Variants in OLFML2B observed in about 807,000 individuals in gnomAD.
The protein encoded by OLFML2B is olfactomedin like 2B.
A neutral mutation model predicts 74.9 loss-of-function variants in OLFML2B; 57 were observed. The observed-to-expected ratio is 0.76, with a 90% CI of 0.61 to 0.95. The LOEUF is 0.95. Ranked by LOEUF, OLFML2B falls within the 40% of genes least tolerant of loss-of-function variation. The probability of loss-of-function intolerance (pLI) is 0.00; values close to 1 mark genes in which losing one functional copy is unlikely to be tolerated. For synonymous variants in OLFML2B, 388 were observed against 405.8 expected (o/e 0.96, Z 0.53); for missense variants, 986 against 970.6 (o/e 1.02, Z -0.21).
At chr1:161,998,656 A>G (rs575667504) in intron 5 of OLFML2B, among the ~76,000 whole-genome samples, 20 of 152,272 alleles carry the variant, frequency 1.3e-4, no homozygotes, top group African/African-American at 4.8e-4. Context: ...GAGTCATCCA[A>G]TCCATCCTTC....
chr1:162,017,337 G>A lies in OLFML2B; in HGVS notation c.546+63C>T, dbSNP rs959948233. 4.0e-6 allele frequency: 5 copies of A among 1,238,606 alleles called. No homozygotes were observed. In the African/African-American group the frequency reaches 6.0e-5, roughly 15 times the overall value. The allele number at this position is 1,238,606 out of a possible 1,614,324, so 76.7% of individuals were successfully genotyped here. On this transcript the variant is annotated intron_variant, in intron 3 of 7. Transcript: ENST00000294794. ...ATGTGCTAGCTGAAAATTTACTGTGGGACGTTTGATATGCTTTTGGGCTCA... is the reference window on the plus strand; with the variant it reads ...ATGTGCTAGCTGAAAATTTACTGTGAGACGTTTGATATGCTTTTGGGCTCA...
chr1:162,005,185 A>C (rs1690185309), intron 4 of OLFML2B, among the ~76,000 whole-genome samples: 1 of 152,282 alleles, frequency 6.6e-6, no homozygotes, highest in Non-Finnish European at 1.5e-5. Flanking sequence ...ATTAGTACAT[A>C]AACATAACTT....
rs1690114771 is a variant in OLFML2B at position 162,002,707 on chromosome 1, G to GAA, written c.724-2371_724-2370dup. 2.0e-5 allele frequency among the ~76,000 whole-genome samples: 3 copies of GAA among 152,296 alleles called. No homozygotes were observed. The South Asian group carries it at 6.2e-4, about 32-fold the overall frequency. On this transcript the variant is annotated intron_variant, in intron 4 of 7. Transcript: ENST00000294794. ...CAGCACACAGTGGTGACCGACTCCT[G>GAA]AAAGGTAGGGGACATCCTTCTGCCA...
At chr1:162,011,269 G>T (rs1232945760) in intron 3 of OLFML2B, among the ~76,000 whole-genome samples, 1 of 152,210 alleles carries the variant, frequency 6.6e-6, no homozygotes, top group Non-Finnish European at 1.5e-5. Flanking sequence ...GATGCGCACA[G>T]GGCTAAGATA....
At chr1:162,020,655 T>C (rs1690678356) in intron 1 of OLFML2B, among the ~76,000 whole-genome samples, 1 of 152,094 alleles carries the variant, frequency 6.6e-6, no homozygotes, top group Non-Finnish European at 1.5e-5. Flanking sequence ...GCCTTCCAAG[T>C]AGCTGGGATT....
intron 4 of OLFML2B, among the ~76,000 whole-genome samples, chr1:162,004,426 A>G (rs909522408): frequency 1.3e-5 from 2 of 152,230 alleles, no homozygotes; most frequent in Non-Finnish European, 2.9e-5. Flanking sequence ...CAAAGTAGTC[A>G]TCATGGGCAA....
intron 4 of OLFML2B, 89 bp downstream of exon 4, chr1:162,006,208 G>A (rs1690224746): frequency 3.9e-6 from 5 of 1,284,334 alleles, no homozygotes; most frequent in Non-Finnish European, 5.3e-6. Context: ...TGAAAGGACT[G>A]AAGCCTGAAA....
At chr1:162,000,801 T>C (rs553107392) in intron 4 of OLFML2B, among the ~76,000 whole-genome samples, 37 of 152,270 alleles carry the variant, frequency 2.4e-4, no homozygotes, top group African/African-American at 8.7e-4. Context: ...GGCTGGGACA[T>C]GAAGCCCAAG....
chr1:162,022,244 C>CTTTTTTTTTTTTTTTTTTTT (rs56395023), intron 1 of OLFML2B, among the ~76,000 whole-genome samples: 7 of 70,774 alleles, frequency 9.9e-5, no homozygotes, highest in African/African-American at 3.5e-4. Flanking sequence ...TGTATCTCTT[C>CTTTTTTTTTTTTTTTTTTTT]TTTTTTTTTT....
intron 6 of OLFML2B, among the ~76,000 whole-genome samples, chr1:161,986,135 C>A (rs1402812672): frequency 1.3e-5 from 2 of 152,196 alleles, no homozygotes; most frequent in Non-Finnish European, 2.9e-5. Flanking sequence ...AGCTTCCTTA[C>A]CCCCTGCTGG....
Position 161,984,229 on chromosome 1 carries a change from C to T in OLFML2B, c.1699G>A (p.Gly567Ser). 3 of 1,543,956 alleles carry T rather than the reference C, an allele frequency of 1.9e-6. No homozygotes were observed. Among genetic ancestry groups the T allele is most frequent in the South Asian group, 2.6e-5 (2 of 78,258 alleles). ...YKLPYSWIGTGHVVYNGAFYY... is the reference protein window; with the variant it reads ...YKLPYSWIGTSHVVYNGAFYY... ...AAGGCGCCATTGTATACCACGTGGC[C>T]TGTGCCGATCCAGCTGTACGGGAGC... is the stretch of plus-strand genomic sequence containing the variant. Residue 567 changes from glycine to serine, a missense_variant, in exon 8 of 8, where the codon GGC becomes AGC. Physicochemically the swap from Gly to Ser is moderately conservative, Grantham distance 56. Transcript: ENST00000294794.
intron 3 of OLFML2B, among the ~76,000 whole-genome samples, chr1:162,007,608 T>A (rs986387247): frequency 6.6e-6 from 1 of 152,218 alleles, no homozygotes; most frequent in Non-Finnish European, 1.5e-5. Flanking sequence ...CATCTTTCTT[T>A]AACAAACAGA....
At position 161,983,648 on chromosome 1, in the gene OLFML2B, G is replaced by A. The variant is rs373345768; in HGVS notation, c.*27C>T. The A allele has an allele frequency of 3.8e-5, 61 of 1,585,028 alleles. No individual in the cohort carries two copies. The highest frequency in any genetic ancestry group is 5.0e-5 in the Non-Finnish European group (58 of 1,162,788). ...CACACAAGGTGCTAGTGACCCCTCT[G>A]TGCTTCTGCTTGTGGGGACAAGGGT... On this transcript the variant is annotated 3_prime_UTR_variant, in exon 8 of 8. Transcript: ENST00000294794.
In OLFML2B at chr1:162,020,061, T is replaced by C. The variant is rs774959030; in HGVS notation, c.296A>G (p.Lys99Arg). 19 of 1,614,160 alleles carry C rather than the reference T, an allele frequency of 1.2e-5. No homozygotes were observed. Among genetic ancestry groups the C allele is most frequent in the Admixed American group, 8.3e-5 (5 of 60,028 alleles). The change falls in exon 2 of 8, where the codon AAG becomes AGG. Residue 99 changes from lysine (K) to arginine (R), a missense_variant. Physicochemically the swap from Lys to Arg is conservative, Grantham distance 26. Coordinates refer to ENST00000294794, the MANE Select transcript of OLFML2B (RefSeq NM_015441.3). Reference sequence around the variant, plus strand: ...GGTTTCCACGGTATAGAAGTCTTCCTTCCTGGAGGCCCCCGCATTGATCCT... The same window carrying C: ...GGTTTCCACGGTATAGAAGTCTTCCCTCCTGGAGGCCCCCGCATTGATCCT... ...CQRINAGASR[K>R]EDFYTVETIT... is the part of the protein sequence containing the mutation.
intron 3 of OLFML2B, among the ~76,000 whole-genome samples, chr1:162,009,881 G>A (rs935497019): frequency 4.6e-5 from 7 of 152,216 alleles, no homozygotes; most frequent in African/African-American, 1.7e-4. Context: ...AGGAGATGCA[G>A]GGGATGCCAC....
chr1:161,993,255 C>T (rs1160550292), intron 6 of OLFML2B, among the ~76,000 whole-genome samples: 2 of 152,216 alleles, frequency 1.3e-5, no homozygotes, highest in East Asian at 3.9e-4. Flanking sequence ...GTGCTACCTT[C>T]CTTCTTTGCC....
At chr1:161,995,550 G>C (rs1050341124) in intron 6 of OLFML2B, among the ~76,000 whole-genome samples, 11 of 152,164 alleles carry the variant, frequency 7.2e-5, no homozygotes, top group Admixed American at 6.5e-5. Context: ...GAAAACACCA[G>C]AAAAGCCTGC....
At position 161,983,940 on chromosome 1, in the gene OLFML2B, G is replaced by A. The variant is rs777924135; in HGVS notation, c.1988C>T (p.Thr663Ile). ...ATTCCTCCGGAGCCCCGTGCGCCAT[G>A]TGGTCTCCTTCTGTGTGCTCAGGTC... ...AADLSTQKET[T>I]WRTGLRRNFY... is the part of the protein sequence containing the mutation. The change falls in exon 8 of 8, where the codon ACA (threonine) becomes ATA (isoleucine). Residue 663 changes from threonine to isoleucine, a missense_variant. Thr to Ile is a moderately conservative substitution (Grantham distance 89). Coordinates refer to ENST00000294794, the MANE Select transcript of OLFML2B (RefSeq NM_015441.3). 2 of 1,614,258 alleles carry A rather than the reference G, an allele frequency of 1.2e-6. No individual in the cohort carries two copies. Among genetic ancestry groups the A allele is most frequent in the Non-Finnish European group, 8.5e-7 (1 of 1,180,042 alleles).
intron 3 of OLFML2B, among the ~76,000 whole-genome samples, chr1:162,014,076 G>A (rs559465093): frequency 1.6e-4 from 24 of 152,198 alleles, no homozygotes; most frequent in Non-Finnish European, 2.5e-4. Flanking sequence ...GTTCCCCTGA[G>A]GGAAGGGTAT....
Sources: gnomAD v4.1 joint callset for allele counts (sites outside exome capture counted in the v4.1 genomes callset) on GRCh38, gnomAD v4.1.1 for gene constraint, MANE v1.5 for transcripts, NCBI Gene and HGNC (gene_info 2026-07-23, HGNC 2026-07-21) for gene names.